CNTN5: variants seen among roughly 807,000 people sequenced by gnomAD.
CNTN5 encodes contactin-5.
Under a neutral mutation model 129.1 loss-of-function variants are expected in CNTN5, and 77 were observed. The observed-to-expected ratio is 0.60, with a 90% confidence interval of 0.50 to 0.72. CNTN5 has a LOEUF of 0.72. Ranked by LOEUF, CNTN5 falls within the 30% of genes least tolerant of loss-of-function variation. CNTN5 has a pLI of 0.00. For synonymous variants in CNTN5, 509 were observed against 465.6 expected (o/e 1.09, Z -1.20); for missense variants, 1,478 against 1,328.8 (o/e 1.11, Z -1.75).
At chr11:100,083,690 A>C (rs1378524283) in intron 13 of CNTN5, among the ~76,000 whole-genome samples, 1 of 152,182 alleles carries the variant, frequency 6.6e-6, no homozygotes, top group Non-Finnish European at 1.5e-5. Flanking sequence ...CATTTTCAAC[A>C]GTATGTTTAC....
Position 100,358,173 on chromosome 11 carries a change from G to A in CNTN5, c.*1953G>A, listed in dbSNP as rs1330027905. 1 of 151,886 alleles carries A rather than the reference G, an allele frequency of 6.6e-6. No individual in the cohort carries two copies. The highest frequency in any genetic ancestry group is 2.1e-4 in the South Asian group (1 of 4,830). 9.4% of individuals were successfully genotyped at this position (151,886 alleles called of 1,614,324 possible). A position where few individuals can be genotyped will look rare whatever the true frequency, so the allele number is the denominator to read the frequency against. On this transcript the variant is annotated 3_prime_UTR_variant, in exon 25 of 25. Transcript: ENST00000524871. ...TGCAAAATAATTTTACGTATTTCAT[G>A]AATCAAGCCATTTTCTTCATTTTCC...
intron 18 of CNTN5, among the ~76,000 whole-genome samples, chr11:100,292,368 A>C (rs1362761073): frequency 6.6e-6 from 1 of 151,918 alleles, no homozygotes; most frequent in South Asian, 2.1e-4. Flanking sequence ...GATCCTAACA[A>C]CCCTATTCAA....
intron 13 of CNTN5, among the ~76,000 whole-genome samples, chr11:100,134,502 T>C (rs1946466176): frequency 6.6e-6 from 1 of 152,190 alleles, no homozygotes; most frequent in African/African-American, 2.4e-5. Flanking sequence ...TAATGCCTAA[T>C]AAATGATAAA....
intron 6 of CNTN5, among the ~76,000 whole-genome samples, chr11:99,914,928 A>T (rs1358294752): frequency 1.3e-5 from 2 of 152,062 alleles, no homozygotes; most frequent in East Asian, 3.9e-4. Flanking sequence ...CATATCCACT[A>T]GTGTATTTTC....
At chr11:99,827,912 ACTAT>A (rs765843712) in intron 4 of CNTN5, among the ~76,000 whole-genome samples, 2 of 152,188 alleles carry the variant, frequency 1.3e-5, no homozygotes, top group Non-Finnish European at 2.9e-5. Flanking sequence ...AACATAAAAC[ACTAT>A]CTGTACAAGT....
intron 2 of CNTN5, among the ~76,000 whole-genome samples, chr11:99,373,711 C>CAAAAAAA (rs57363059): frequency 3.1e-5 from 3 of 95,992 alleles, no homozygotes; most frequent in African/African-American, 4.2e-5. Flanking sequence ...AACTCCGTCT[C>CAAAAAAA]AAAAAAAAAA....
intron 9 of CNTN5, among the ~76,000 whole-genome samples, chr11:100,023,130 T>C (rs1375897327): frequency 2.0e-5 from 3 of 152,326 alleles, no homozygotes; most frequent in East Asian, 3.9e-4. Context: ...ATTACACATA[T>C]AATAGTCTGT....
intron 2 of CNTN5, among the ~76,000 whole-genome samples, chr11:99,540,933 G>A (rs746059100): frequency 6.6e-5 from 10 of 152,056 alleles, no homozygotes; most frequent in Non-Finnish European, 1.5e-4. Flanking sequence ...AATGTATTCT[G>A]TAGCCCAATG....
intron 13 of CNTN5, among the ~76,000 whole-genome samples, chr11:100,119,047 A>AC (rs1945929208): frequency 6.6e-6 from 1 of 151,730 alleles, no homozygotes; most frequent in African/African-American, 2.4e-5. Context: ...TGGTTCAAAA[A>AC]AAAAACAAAA....
intron 4 of CNTN5, among the ~76,000 whole-genome samples, chr11:99,843,845 A>G (rs1947593934): frequency 6.6e-6 from 1 of 152,198 alleles, no homozygotes; most frequent in Non-Finnish European, 1.5e-5. Context: ...TTCATGATCA[A>G]TGAAAATTAA....
Position 99,110,451 on chromosome 11 carries a change from C to G in CNTN5, c.-210+89181C>G, listed in dbSNP as rs527496411. Among the ~76,000 whole-genome samples, 14 of 152,184 alleles carry G rather than the reference C, an allele frequency of 9.2e-5. No homozygotes were observed. The East Asian group carries it at 2.7e-3, about 29-fold the overall frequency. On this transcript the variant is annotated intron_variant, in intron 1 of 24. Transcript: ENST00000524871. ...TATATGAACATTAAGTAATGGTTTG[C>G]ATTGTAAGTATTGTAAGCAATGTTG...
intron 1 of CNTN5, among the ~76,000 whole-genome samples, chr11:99,216,678 G>A (rs761271120): frequency 2.6e-5 from 4 of 151,960 alleles, no homozygotes; most frequent in Non-Finnish European, 5.9e-5. Context: ...TGAAACTACT[G>A]GAAGACAACA....
At chr11:100,112,625 G>T in intron 13 of CNTN5, among the ~76,000 whole-genome samples, 1 of 152,064 alleles carries the variant, frequency 6.6e-6, no homozygotes, top group Non-Finnish European at 1.5e-5. Context: ...AGGCAGCCAT[G>T]TTTCACTCCT....
intron 3 of CNTN5, among the ~76,000 whole-genome samples, chr11:99,651,128 A>G (rs1952140088): frequency 6.6e-6 from 1 of 151,986 alleles, no homozygotes; most frequent in African/African-American, 2.4e-5. Flanking sequence ...GTTGCTTAGC[A>G]TAAAATGCAA....
intron 3 of CNTN5, among the ~76,000 whole-genome samples, chr11:99,722,817 T>C (rs1351217544): frequency 6.6e-6 from 1 of 151,964 alleles, no homozygotes; most frequent in Non-Finnish European, 1.5e-5. Flanking sequence ...ATATGGGTTA[T>C]ATATTATGTA....
At chr11:99,610,016 T>C (rs1159750931) in intron 3 of CNTN5, among the ~76,000 whole-genome samples, 1 of 152,144 alleles carries the variant, frequency 6.6e-6, no homozygotes, top group East Asian at 1.9e-4. Flanking sequence ...TAAATTGCAC[T>C]GTTAATCCTT....
intron 2 of CNTN5, among the ~76,000 whole-genome samples, chr11:99,480,677 T>C (rs547579044): frequency 6.6e-5 from 10 of 152,320 alleles, no homozygotes; most frequent in Admixed American, 2.0e-4. Context: ...TCTGTTACTA[T>C]TGAAATTCAT....
At chr11:100,271,445 C>T (rs1402521180) in intron 18 of CNTN5, among the ~76,000 whole-genome samples, 1 of 152,118 alleles carries the variant, frequency 6.6e-6, no homozygotes, top group Non-Finnish European at 1.5e-5. Flanking sequence ...TCCACAAATA[C>T]AGTCATCTAA....
chr11:99,595,866 C>T (rs572975651), intron 3 of CNTN5, among the ~76,000 whole-genome samples: 1 of 152,136 alleles, frequency 6.6e-6, no homozygotes, highest in Admixed American at 6.6e-5. Context: ...TCATATCCCT[C>T]ATAAGGGTTT....
Sources: gnomAD v4.1 joint callset for allele counts (sites outside exome capture counted in the v4.1 genomes callset) on GRCh38, gnomAD v4.1.1 for gene constraint, MANE v1.5 for transcripts, NCBI Gene and HGNC (gene_info 2026-07-23, HGNC 2026-07-21) for gene names.